Variants in FAT3 observed in about 807,000 individuals in gnomAD.
The protein encoded by FAT3 is FAT atypical cadherin 3, also known as protocadherin Fat 3.
A neutral mutation model predicts 310.2 loss-of-function variants in FAT3; 95 were observed. That is an observed-to-expected ratio of 0.31 (90% confidence interval 0.26 to 0.36). The LOEUF is 0.36. Ranked by LOEUF, FAT3 falls within the 10% of genes least tolerant of loss-of-function variation. The pLI is 1.00. For synonymous variants in FAT3, 2,314 were observed against 2,192.9 expected (o/e 1.06, Z -1.54); for missense variants, 5,408 against 5,715.6 (o/e 0.95, Z 1.74).
At position 92,857,338 on chromosome 11, in the gene FAT3, A is replaced by G; in HGVS notation, c.11490A>G (p.Gly3830=). ...GCCAGTGTCCACCAGGGAAGCTCGG[A>G]GAGTGCTCAGGTGCAGAGTGGAGTG... ...FLCQCPPGKL[G]ECSGHTSLSF... Residue 3830 remains glycine (G), a synonymous_variant, in exon 20 of 28, where the codon GGA becomes GGG. Transcript: ENST00000525166. The G allele has an allele frequency of 6.2e-7, 1 of 1,614,010 alleles. No individual in the cohort carries two copies. The highest frequency in any genetic ancestry group is 8.5e-7 in the Non-Finnish European group (1 of 1,179,902).
intron 1 of FAT3, among the ~76,000 whole-genome samples, chr11:92,344,972 A>G (rs1035704756): frequency 6.6e-6 from 1 of 152,128 alleles, no homozygotes; most frequent in African/African-American, 2.4e-5. Context: ...ATTTTGGAGC[A>G]TATTAAAGGC....
At chr11:92,391,279 C>T (rs913368235) in intron 2 of FAT3, among the ~76,000 whole-genome samples, 5 of 152,074 alleles carry the variant, frequency 3.3e-5, no homozygotes, top group Non-Finnish European at 7.4e-5. Context: ...GGGGACAGAC[C>T]GTCGAAGACC....
At chr11:92,373,583 T>G (rs1292551165) in intron 2 of FAT3, among the ~76,000 whole-genome samples, 1 of 152,164 alleles carries the variant, frequency 6.6e-6, no homozygotes, top group Non-Finnish European at 1.5e-5. Context: ...CATTACAATA[T>G]GTATTATATA....
chr11:92,581,613 TG>T (rs1160217070), intron 3 of FAT3, among the ~76,000 whole-genome samples: 1 of 152,040 alleles, frequency 6.6e-6, no homozygotes, highest in East Asian at 1.9e-4. Flanking sequence ...GTTCTAGGAA[TG>T]GGTGTATCAT....
rs1379796 is a variant in FAT3, at chr11:92,299,273, A to G, written c.-17-52823A>G. 3.9e-3 allele frequency among the ~76,000 whole-genome samples: 589 copies of G among 152,236 alleles called. 3 individuals carry two copies. Among genetic ancestry groups the G allele is most frequent in the African/African-American group, 0.013 (553 of 41,574 alleles). On this transcript the variant is annotated intron_variant, in intron 1 of 27. Transcript: ENST00000525166. ...GTATTAGGCATCCTGGAAGTACCCAAGAAAGACAAGATTTGCTTCCTGATG... is the reference window on the plus strand; with the variant it reads ...GTATTAGGCATCCTGGAAGTACCCAGGAAAGACAAGATTTGCTTCCTGATG...
intron 3 of FAT3, among the ~76,000 whole-genome samples, chr11:92,565,439 G>A (rs887512541): frequency 7.4e-6 from 1 of 134,994 alleles, no homozygotes; most frequent in Non-Finnish European, 1.6e-5. Context: ...TGGATTCACA[G>A]CCGAATTCTA....
At chr11:92,886,093 C>T (rs1949791122) in intron 24 of FAT3, among the ~76,000 whole-genome samples, 3 of 152,152 alleles carry the variant, frequency 2.0e-5, no homozygotes, top group African/African-American at 7.2e-5. Context: ...TGATCACTGC[C>T]CTCACTCCTT....
At chr11:92,612,943 C>T (rs941907403) in intron 3 of FAT3, among the ~76,000 whole-genome samples, 2 of 152,172 alleles carry the variant, frequency 1.3e-5, no homozygotes, top group Non-Finnish European at 2.9e-5. Context: ...ATTCAGTATG[C>T]ATGTGTGCTA....
intron 3 of FAT3, among the ~76,000 whole-genome samples, chr11:92,614,514 T>C (rs1940710614): frequency 1.3e-5 from 2 of 152,218 alleles, no homozygotes; most frequent in Admixed American, 1.3e-4. Context: ...TGTGTATCTT[T>C]TCATGTGCTA....
intron 3 of FAT3, among the ~76,000 whole-genome samples, chr11:92,670,345 G>T (rs1943088646): frequency 6.6e-6 from 1 of 152,130 alleles, no homozygotes; most frequent in African/African-American, 2.4e-5. Context: ...GATCCTCCAT[G>T]CCCATCAGCA....
At chr11:92,853,042 A>T (rs1445838208) in intron 19 of FAT3, among the ~76,000 whole-genome samples, 1 of 152,188 alleles carries the variant, frequency 6.6e-6, no homozygotes, top group Non-Finnish European at 1.5e-5. Flanking sequence ...CACTGGGCTT[A>T]TTCTGCCCAC....
chr11:92,414,460 A>G (rs1950364194), intron 2 of FAT3, among the ~76,000 whole-genome samples: 1 of 152,232 alleles, frequency 6.6e-6, no homozygotes, highest in Non-Finnish European at 1.5e-5. Flanking sequence ...AAGCTCAGTC[A>G]TTGGTGGCTT....
At chr11:92,712,404 C>A (rs1344657101) in intron 4 of FAT3, among the ~76,000 whole-genome samples, 2 of 152,016 alleles carry the variant, frequency 1.3e-5, no homozygotes, top group African/African-American at 4.8e-5. Context: ...GGAGGGAGGG[C>A]ATGAAAAATA....
intron 2 of FAT3, among the ~76,000 whole-genome samples, chr11:92,447,905 A>G (rs1389642391): frequency 2.0e-5 from 3 of 151,842 alleles, no homozygotes; most frequent in Non-Finnish European, 2.9e-5. Context: ...AAACTTGCAA[A>G]CACAGTGACA....
chr11:92,578,922 C>T (rs1945519), intron 3 of FAT3, among the ~76,000 whole-genome samples: 53,954 of 151,734 alleles, frequency 0.36, 10,486 homozygotes, highest in Non-Finnish European at 0.45. Flanking sequence ...CTTTGACAGA[C>T]GTGTTGAAAG....
At chr11:92,646,713 C>G (rs963822485) in intron 3 of FAT3, among the ~76,000 whole-genome samples, 1 of 152,128 alleles carries the variant, frequency 6.6e-6, no homozygotes, top group Non-Finnish European at 1.5e-5. Flanking sequence ...AGATAAGGTT[C>G]AAATCATGAA....
Position 92,778,366 on chromosome 11 carries a change from C to T in FAT3, c.4335+4186C>T, listed in dbSNP as rs368588993. On this transcript the variant is annotated intron_variant, in intron 7 of 27. Transcript: ENST00000525166. The stretch of plus-strand genomic sequence containing the variant: ...GGAATGATAGCAGATAGTCCATTAA[C>T]TGACACCAGAATTAGCATTTCCCTG... Among the ~76,000 whole-genome samples the T allele has an allele frequency of 2.0e-3, 304 of 152,312 alleles. 8 individuals are homozygous for T. In the South Asian group the frequency reaches 0.061, roughly 31 times the overall value.
chr11:92,658,205 T>C (rs1942647856), intron 3 of FAT3, among the ~76,000 whole-genome samples: 1 of 152,202 alleles, frequency 6.6e-6, no homozygotes, highest in Non-Finnish European at 1.5e-5. Flanking sequence ...TGTATTTAGA[T>C]TTCATGAAAT....
chr11:92,597,407 A>AACGG (rs1271031395), intron 3 of FAT3, among the ~76,000 whole-genome samples: 2 of 152,184 alleles, frequency 1.3e-5, no homozygotes, highest in African/African-American at 2.4e-5. Context: ...AGAACCAATG[A>AACGG]ACGGACAGTC....
Sources: gnomAD v4.1 joint callset for allele counts (sites outside exome capture counted in the v4.1 genomes callset) on GRCh38, gnomAD v4.1.1 for gene constraint, MANE v1.5 for transcripts, NCBI Gene and HGNC (gene_info 2026-07-23, HGNC 2026-07-21) for gene names.